The following HPX variants were observed in gnomAD, a reference collection of about 807,000 sequenced individuals.
The protein encoded by HPX is hemopexin, also known as beta-1B-glycoprotein.
In HPX, 42 loss-of-function variants were observed where a neutral mutation model predicts 53.8. That is an observed-to-expected ratio of 0.78 (90% confidence interval 0.61 to 1.01). HPX has a LOEUF of 1.01. Among genes scored for constraint, HPX ranks in the 50% least tolerant of loss-of-function variants. The pLI is 0.00. For missense variants in HPX, 547 were observed against 594.3 expected (o/e 0.92, Z 0.83); for synonymous variants, 229 against 221.1 (o/e 1.04, Z -0.32).
rs544275520 is a variant in HPX at position 6,439,937 on chromosome 11, G to A, written c.336+228C>T. The A allele has an allele frequency of 2.2e-4, 128 of 582,946 alleles. 3 individuals are homozygous for A. The highest frequency in any genetic ancestry group is 2.2e-3 in the South Asian group (117 of 53,494). 36.1% of individuals were successfully genotyped at this position (582,946 alleles called of 1,614,324 possible). A position where few individuals can be genotyped will look rare whatever the true frequency, so the allele number is the denominator to read the frequency against. On this transcript the variant is annotated intron_variant, in intron 4 of 9. Transcript: ENST00000265983. ...CCAGCAGTGTGAGGTACAGCAGAGC[G>A]GTGTAGAACTAAGACTAGGACTGAA...
At chr11:6,437,398 T>C in intron 6 of HPX, 42 bp downstream of exon 6, 1 of 1,559,228 alleles carries the variant, frequency 6.4e-7, no homozygotes, top group South Asian at 1.1e-5. Flanking sequence ...TCAGGGAAAG[T>C]GGATGAATTC....
At chr11:6,437,872 C>A (rs1476703965) in intron 5 of HPX, 2 of 589,844 alleles carry the variant, frequency 3.4e-6, no homozygotes, top group Non-Finnish European at 6.1e-6. Context: ...GAAAACTTCC[C>A]AGGGAAGATG....
At chr11:6,440,099 G>C (rs1240169589) in intron 4 of HPX, 66 bp downstream of exon 4, 5 of 1,606,802 alleles carry the variant, frequency 3.1e-6, no homozygotes, top group Non-Finnish European at 4.3e-6. Context: ...AGGCCATTTG[G>C]GGGAAGGGTC....
At chr11:6,436,993 T>C (rs945894581) in intron 7 of HPX, 53 bp downstream of exon 7, 3 of 1,591,374 alleles carry the variant, frequency 1.9e-6, no homozygotes, top group South Asian at 2.2e-5. Context: ...GGATGGGAGA[T>C]ACAAGTAAAA....
intron 6 of HPX, 91 bp downstream of exon 6, chr11:6,437,349 G>C: frequency 7.2e-7 from 1 of 1,382,152 alleles, no homozygotes; most frequent in Non-Finnish European, 1.0e-6. Flanking sequence ...TCGCAACACG[G>C]AGTTAAAGTG....
intron 7 of HPX, 36 bp downstream of exon 7, chr11:6,437,010 T>G: frequency 6.2e-7 from 1 of 1,608,548 alleles, no homozygotes; most frequent in Non-Finnish European, 8.5e-7. Flanking sequence ...AAAAGAGATG[T>G]GAGAGCACAT....
rs527628361 is a variant in HPX, at chr11:6,440,884, G to C, written c.80C>G (p.Pro27Arg). The C allele has an allele frequency of 3.7e-4, 589 of 1,613,276 alleles. 7 individuals carry two copies. The South Asian group carries it at 6.1e-3, about 17-fold the overall frequency. The change falls in exon 1 of 10, where the codon CCT becomes CGT. Residue 27 changes from proline to arginine, a missense_variant. Coordinates refer to ENST00000265983, the MANE Select transcript of HPX (RefSeq NM_000613.3). Reference sequence around the variant, plus strand: ...TTCTAGTCCCAGCTTTACTCACGGAGGAAGAGGGGTGGCAATGGCCAGAGA... The same window carrying C: ...TTCTAGTCCCAGCTTTACTCACGGACGAAGAGGGGTGGCAATGGCCAGAGA... ...CWSLAIATPL[P>R]PTSAHGNVAE... is the part of the protein sequence containing the mutation.
rs747475575 is a variant in HPX at position 6,431,753 on chromosome 11, G to A, written c.1017C>T (p.Ser339=). 34 of 1,614,054 alleles carry A rather than the reference G, an allele frequency of 2.1e-5. No homozygotes were observed. Among genetic ancestry groups the A allele is most frequent in the Middle Eastern group, 1.6e-4 (1 of 6,084 alleles). ...FLTKGGYTLV[S]GYPKRLEKEV... is the part of the protein sequence containing the mutation. ...CCTTCTCCAGCCGCTTCGGATAACC[G>A]CTTACTAGGGTATAGCCTCCCTTTG... The change falls in exon 9 of 10, where the codon AGC becomes AGT. Residue 339 remains serine (S), a synonymous_variant. Coordinates refer to ENST00000265983, the MANE Select transcript of HPX (RefSeq NM_000613.3).
intron 7 of HPX, among the ~76,000 whole-genome samples, chr11:6,436,268 G>T (rs900877787): frequency 6.6e-6 from 1 of 152,164 alleles, no homozygotes; most frequent in African/African-American, 2.4e-5. Flanking sequence ...ATATTTTCAC[G>T]ATTTTATATT....
chr11:6,438,063 A>G, intron 5 of HPX: 1 of 509,720 alleles, frequency 2.0e-6, no homozygotes, highest in Admixed American at 3.5e-5. Context: ...GCCAATAGGG[A>G]TTTGGCCATG....
In HPX at chr11:6,440,259, C is replaced by T; in HGVS notation, c.242G>A (p.Trp81Ter). ...KGEFVWKSHK[W>*]DRELISERWK... ...TCTCTCTGAGATTAACTCCCGGTCC[C>T]ATTTGTGACTCTTCCACACAAACTC... The change falls in exon 4 of 10, where the codon TGG becomes TAG. Residue 81 changes from tryptophan to a stop codon, truncating the protein, a stop_gained. Coordinates refer to ENST00000265983, the MANE Select transcript of HPX (RefSeq NM_000613.3). LOFTEE classifies it high-confidence loss of function. 6.2e-7 allele frequency: 1 copy of T among 1,614,008 alleles called. No individual in the cohort carries two copies. Among genetic ancestry groups the T allele is most frequent in the Non-Finnish European group, 8.5e-7 (1 of 1,180,014 alleles).
In HPX at chr11:6,440,986, A is replaced by G. The variant is rs1259452061; in HGVS notation, c.-23T>C. ...CATGCTGAGCTGCAGAGGCCACAGG[A>G]CAGCTCTGGGTGACCAGTTGAACTC... On this transcript the variant is annotated 5_prime_UTR_variant, in exon 1 of 10. Transcript: ENST00000265983. 7.0e-6 allele frequency: 11 copies of G among 1,570,260 alleles called. No homozygotes were observed. The highest frequency in any genetic ancestry group is 9.6e-6 in the Non-Finnish European group (11 of 1,150,322).
At position 6,437,445 on chromosome 11, in the gene HPX, C is replaced by G; in HGVS notation, c.698G>C (p.Gly233Ala). ...AAGTGCTAGGGCTTTCTCACCTCTG[C>G]CAGGGCAGGGCATGAAGTAGTCTCG... ...DVRDYFMPCP[G>A]RGHGHRNGTG... Residue 233 changes from glycine (G) to alanine (A), a missense_variant, in exon 6 of 10, where the codon GGC becomes GCC. Transcript: ENST00000265983. The G allele has an allele frequency of 6.2e-7, 1 of 1,613,162 alleles. No individual in the cohort carries two copies. Among genetic ancestry groups the G allele is most frequent in the Non-Finnish European group, 8.5e-7 (1 of 1,179,752 alleles).
Position 6,431,900 on chromosome 11 carries a change from A to G in HPX, c.953T>C (p.Leu318Pro), listed in dbSNP as rs748802777. The G allele has an allele frequency of 1.2e-6, 2 of 1,614,100 alleles. No individual in the cohort carries two copies. The highest frequency in any genetic ancestry group is 1.7e-6 in the Non-Finnish European group (2 of 1,180,022). Residue 318 changes from leucine (L) to proline (P), a missense_variant, in exon 8 of 10, where the codon CTC becomes CCC. By Grantham distance (98) the Leu-to-Pro change is moderately conservative. Transcript: ENST00000265983. ...VDAAFSWEEKLYLVQGTQVYV... is the reference protein window; with the variant it reads ...VDAAFSWEEKPYLVQGTQVYV... Reference sequence around the variant, plus strand: ...CCCAATACACACCTGGACCAGATAGAGTTTTTCTTCCCAGGAAAAGGCAGC... The same window carrying G: ...CCCAATACACACCTGGACCAGATAGGGTTTTTCTTCCCAGGAAAAGGCAGC...
At chr11:6,433,826 C>A (rs547717565) in intron 7 of HPX, among the ~76,000 whole-genome samples, 23 of 152,206 alleles carry the variant, frequency 1.5e-4, no homozygotes, top group Non-Finnish European at 2.9e-4. Flanking sequence ...CTCTGTGTTC[C>A]AGCCTCACCA....
At chr11:6,437,262 G>T (rs1849428439) in intron 6 of HPX, 85 bp from the exon 7 acceptor site, 8 of 1,498,404 alleles carry the variant, frequency 5.3e-6, no homozygotes, top group African/African-American at 2.8e-5. Flanking sequence ...GCTGGGGTTA[G>T]TGGGGTGTGG....
intron 5 of HPX, 102 bp from the exon 6 acceptor site, chr11:6,437,754 T>A: frequency 1.2e-6 from 1 of 822,924 alleles, no homozygotes; most frequent in East Asian, 2.6e-5. Context: ...ACTGACCACA[T>A]GGAGCTCACA....
In HPX at chr11:6,431,964, T is replaced by G. The variant is rs1181868220; in HGVS notation, c.889A>C (p.Ile297Leu). Residue 297 changes from isoleucine (I) to leucine (L), a missense_variant, in exon 8 of 10, where the codon ATT (isoleucine) becomes CTT (leucine). Coordinates refer to ENST00000265983, the MANE Select transcript of HPX (RefSeq NM_000613.3). ...GGACCCTGGGGCCACTGATGAGCAA[T>G]GGGCCAGCTATGCCAGCCATCCCGG... Reference protein sequence around the residue: ...TSRDGWHSWPIAHQWPQGPSA... With the variant: ...TSRDGWHSWPLAHQWPQGPSA... The G allele has an allele frequency of 3.1e-6, 5 of 1,614,054 alleles. No homozygotes were observed. In the African/African-American group the frequency reaches 6.7e-5, roughly 22 times the overall value.
At chr11:6,440,367 T>A in intron 3 of HPX, 81 bp from the exon 4 acceptor site, 1 of 1,598,764 alleles carries the variant, frequency 6.3e-7, no homozygotes, top group Non-Finnish European at 8.6e-7. Flanking sequence ...CTGTCAGTGA[T>A]ACCATCAGAT....
Sources: gnomAD v4.1 joint callset for allele counts (sites outside exome capture counted in the v4.1 genomes callset) on GRCh38, gnomAD v4.1.1 for gene constraint, MANE v1.5 for transcripts, NCBI Gene and HGNC (gene_info 2026-07-23, HGNC 2026-07-21) for gene names.